Variants in THRB observed in about 807,000 individuals in gnomAD.
THRB encodes thyroid hormone receptor beta.
THRB carries 12 observed loss-of-function variants against 47.8 expected under a neutral mutation model. The ratio of observed to expected loss-of-function variants is 0.25; its 90% CI spans 0.16 to 0.41. THRB has a LOEUF of 0.41. Ranked by LOEUF, THRB falls within the 10% of genes least tolerant of loss-of-function variation. The pLI is 1.00. For synonymous variants in THRB, 218 were observed against 212.2 expected, an observed-to-expected ratio of 1.03 and a Z score of -0.24; for missense variants, 348 against 589.2, an observed-to-expected ratio of 0.59 and a Z score of 4.24.
intron 1 of THRB, among the ~76,000 whole-genome samples, chr3:24,462,631 G>T (rs973688648): frequency 6.6e-6 from 1 of 152,176 alleles, no homozygotes; most frequent in Admixed American, 6.5e-5. Flanking sequence ...CTACCATTTG[G>T]CTCTGTGTAT....
chr3:24,126,023 ATTAT>A (rs1019481781), intron 10 of THRB, among the ~76,000 whole-genome samples: 9 of 152,274 alleles, frequency 5.9e-5, no homozygotes, highest in African/African-American at 2.2e-4. Context: ...AATAAAAAGA[ATTAT>A]TTCTTTCTTT....
intron 4 of THRB, among the ~76,000 whole-genome samples, chr3:24,208,299 A>G (rs964182852): frequency 4.8e-4 from 73 of 152,306 alleles, no homozygotes; most frequent in African/African-American, 1.7e-3. Context: ...ATTCAATGCC[A>G]TCCCCATCAA....
chr3:24,224,746 T>C (rs1014075852), intron 4 of THRB, among the ~76,000 whole-genome samples: 4 of 152,258 alleles, frequency 2.6e-5, no homozygotes, highest in Non-Finnish European at 5.9e-5. Flanking sequence ...TCAATGTATG[T>C]ATGCCTTACT....
chr3:24,437,815 C>G (rs2071120966), intron 1 of THRB, among the ~76,000 whole-genome samples: 1 of 151,858 alleles, frequency 6.6e-6, no homozygotes, highest in Non-Finnish European at 1.5e-5. Flanking sequence ...ATTTACCCAG[C>G]AGGAAATGGG....
chr3:24,394,454 T>C lies in THRB; in HGVS notation c.-260-57083A>G, dbSNP rs372984187. Among the ~76,000 whole-genome samples, 83 of 152,232 alleles carry C rather than the reference T, an allele frequency of 5.5e-4. 1 individual carries two copies. The South Asian group carries it at 0.014, about 26-fold the overall frequency. Reference sequence around the variant, plus strand: ...GGTTTCCCTACTTCCTGGGGAACTGTTTCTAATCCTACCTGCCACCTCCCT... The same window carrying C: ...GGTTTCCCTACTTCCTGGGGAACTGCTTCTAATCCTACCTGCCACCTCCCT... On this transcript the variant is annotated intron_variant, in intron 1 of 10. Coordinates refer to ENST00000646209, the MANE Select transcript of THRB (RefSeq NM_001354712.2).
At chr3:24,489,828 C>A (rs760585917) in intron 1 of THRB, among the ~76,000 whole-genome samples, 25 of 152,248 alleles carry the variant, frequency 1.6e-4, no homozygotes, top group Non-Finnish European at 2.4e-4. Flanking sequence ...TACTCCCCCC[C>A]ACTTGTTTAA....
intron 1 of THRB, among the ~76,000 whole-genome samples, chr3:24,456,000 A>G (rs1407162649): frequency 6.6e-6 from 1 of 152,214 alleles, no homozygotes; most frequent in East Asian, 1.9e-4. Flanking sequence ...AGTAAAAAAG[A>G]AAGCACATAG....
At chr3:24,458,869 T>A (rs947135397) in intron 1 of THRB, 3 of 151,988 alleles carry the variant, frequency 2.0e-5, no homozygotes, top group Non-Finnish European at 4.4e-5. Context: ...TTAAATATTA[T>A]AAATATTCTA....
chr3:24,441,507 C>T (rs2071521359), intron 1 of THRB, among the ~76,000 whole-genome samples: 1 of 152,134 alleles, frequency 6.6e-6, no homozygotes, highest in Non-Finnish European at 1.5e-5. Flanking sequence ...GATGCTTCTC[C>T]CTTTGGGGAG....
intron 1 of THRB, among the ~76,000 whole-genome samples, chr3:24,346,391 T>C (rs1451982464): frequency 2.0e-5 from 3 of 151,896 alleles, no homozygotes; most frequent in African/African-American, 7.2e-5. Context: ...CAAAATATGG[T>C]AACAAAGGAG....
intron 4 of THRB, among the ~76,000 whole-genome samples, chr3:24,216,888 G>T (rs1240088890): frequency 1.3e-5 from 2 of 151,680 alleles, no homozygotes; most frequent in East Asian, 3.9e-4. Flanking sequence ...GAGTTCGATG[G>T]GCTATTTTAT....
At chr3:24,469,634 T>C (rs1301225646) in intron 1 of THRB, among the ~76,000 whole-genome samples, 1 of 152,206 alleles carries the variant, frequency 6.6e-6, no homozygotes. Flanking sequence ...TGGTGTTAGA[T>C]ACATGCAAAA....
At chr3:24,337,212 C>T (rs2149425816) in intron 2 of THRB, 88 bp downstream of exon 2, 1 of 152,286 alleles carries the variant, frequency 6.6e-6, no homozygotes, top group East Asian at 1.9e-4. Flanking sequence ...AGCAACACTA[C>T]ACATTAGGAG....
intron 5 of THRB, among the ~76,000 whole-genome samples, chr3:24,158,103 G>A (rs536439304): frequency 5.3e-5 from 8 of 152,238 alleles, no homozygotes; most frequent in African/African-American, 1.7e-4. Context: ...TTTAAAAATC[G>A]TAGCAAATTT....
intron 1 of THRB, among the ~76,000 whole-genome samples, chr3:24,353,729 C>G (rs1276052394): frequency 6.6e-6 from 1 of 152,002 alleles, no homozygotes; most frequent in Non-Finnish European, 1.5e-5. Flanking sequence ...AAAGAAAACT[C>G]CTATAAAACT....
At chr3:24,393,131 T>C (rs2066702223) in intron 1 of THRB, among the ~76,000 whole-genome samples, 2 of 152,160 alleles carry the variant, frequency 1.3e-5, no homozygotes, top group African/African-American at 2.4e-5. Context: ...ATGTCACTAA[T>C]TGAATCTATA....
At position 24,246,087 on chromosome 3, in the gene THRB, T is replaced by C. The variant is rs554112355; in HGVS notation, c.-42-17086A>G. On this transcript the variant is annotated intron_variant, in intron 3 of 10. Coordinates refer to ENST00000646209, the MANE Select transcript of THRB (RefSeq NM_001354712.2). ...TTTGTACATGTGTCCCCAAAGAAGATAGCATGTCCCTTACGGAGATGTTGT... is the reference window on the plus strand; with the variant it reads ...TTTGTACATGTGTCCCCAAAGAAGACAGCATGTCCCTTACGGAGATGTTGT... Among the ~76,000 whole-genome samples, 27 of 152,308 alleles carry C rather than the reference T, an allele frequency of 1.8e-4. No homozygotes were observed. In the South Asian group the frequency reaches 3.9e-3, roughly 22 times the overall value.
chr3:24,191,711 G>C (rs1317720964), intron 4 of THRB, among the ~76,000 whole-genome samples: 1 of 152,236 alleles, frequency 6.6e-6, no homozygotes, highest in Non-Finnish European at 1.5e-5. Flanking sequence ...AGTCACTTTT[G>C]AAAGTTGCAT....
intron 4 of THRB, among the ~76,000 whole-genome samples, chr3:24,209,700 A>T (rs2045809547): frequency 6.6e-6 from 1 of 152,222 alleles, no homozygotes; most frequent in Non-Finnish European, 1.5e-5. Context: ...GGGGAGGGAT[A>T]GCATTAGGAG....
Sources: allele counts gnomAD v4.1 joint callset (sites outside exome capture counted in the v4.1 genomes callset), GRCh38; gene constraint gnomAD v4.1.1; transcripts MANE v1.5; gene names NCBI Gene and HGNC (gene_info 2026-07-23, HGNC 2026-07-21).